ZNF521: variants seen among roughly 807,000 people sequenced by gnomAD.
ZNF521 encodes the protein zinc finger protein 521, also known as LYST-interacting protein 3.
In ZNF521, 14 loss-of-function variants were observed where a neutral mutation model predicts 105.5. The ratio of observed to expected loss-of-function variants is 0.13; its 90% CI spans 0.09 to 0.21. ZNF521 has a LOEUF of 0.21. Ranked by LOEUF, ZNF521 falls within the 10% of genes least tolerant of loss-of-function variation. The pLI is 1.00. For missense variants in ZNF521, 1,233 were observed against 1,629.7 expected (o/e 0.76, Z 4.19); for synonymous variants, 635 against 606.0 (o/e 1.05, Z -0.70).
In ZNF521 at chr18:25,179,764, C is replaced by T. The variant is rs535860109; in HGVS notation, c.3658+15396G>A. 6.6e-5 allele frequency among the ~76,000 whole-genome samples: 10 copies of T among 152,282 alleles called. 1 individual carries two copies. Among genetic ancestry groups the T allele is most frequent in the Admixed American group, 4.6e-4 (7 of 15,304 alleles). ...CCATCTCCCTAAGCTGTTGGAAACA[C>T]GCTAAACACAAGACACGGAGTGCTG... On this transcript the variant is annotated intron_variant, in intron 5 of 7. Transcript: ENST00000361524.
intron 5 of ZNF521, among the ~76,000 whole-genome samples, chr18:25,194,490 A>G (rs1303735986): frequency 6.6e-6 from 1 of 151,748 alleles, no homozygotes; most frequent in African/African-American, 2.4e-5. Flanking sequence ...AATAAGTTAA[A>G]AAAATATCCT....
At chr18:25,348,702 G>GTT (rs1914569192) in intron 2 of ZNF521, among the ~76,000 whole-genome samples, 1 of 23,134 alleles carries the variant, frequency 4.3e-5, no homozygotes, top group African/African-American at 4.6e-4. Context: ...TGAAACAGAT[G>GTT]CTGTCTTTGT....
intron 3 of ZNF521, among the ~76,000 whole-genome samples, chr18:25,304,642 G>A (rs45561237): frequency 6.6e-6 from 1 of 152,130 alleles, no homozygotes; most frequent in African/African-American, 2.4e-5. Context: ...CTGAACGCCT[G>A]CCTATCCCTT....
At chr18:25,120,593 A>C (rs77272001) in intron 5 of ZNF521, among the ~76,000 whole-genome samples, 3,109 of 108,082 alleles carry the variant, frequency 0.029, 130 homozygotes, top group African/African-American at 0.11. Context: ...AAAAAAAAAA[A>C]AAAAAAAAAC....
In ZNF521 at chr18:25,347,267, T is replaced by C. The variant is rs1312427117; in HGVS notation, c.40+3640A>G. On this transcript the variant is annotated intron_variant, in intron 2 of 7. Coordinates refer to ENST00000361524, the MANE Select transcript of ZNF521 (RefSeq NM_015461.3). Reference sequence around the variant, plus strand: ...GGGCAGAAAGAGTGACTCATTTAATTGTCTGTCCATCCATGCCTCTAATAA... The same window carrying C: ...GGGCAGAAAGAGTGACTCATTTAATCGTCTGTCCATCCATGCCTCTAATAA... Among the ~76,000 whole-genome samples, 3 of 152,294 alleles carry C rather than the reference T, an allele frequency of 2.0e-5. No individual in the cohort carries two copies. In the East Asian group the frequency reaches 5.8e-4, roughly 29 times the overall value.
At chr18:25,160,640 T>C (rs1490202239) in intron 5 of ZNF521, among the ~76,000 whole-genome samples, 1 of 152,342 alleles carries the variant, frequency 6.6e-6, no homozygotes, top group African/African-American at 2.4e-5. Flanking sequence ...ATGTGTTCTC[T>C]AGGTTTTGTG....
At chr18:25,244,935 T>TA (rs1330312736) in intron 3 of ZNF521, among the ~76,000 whole-genome samples, 3 of 152,242 alleles carry the variant, frequency 2.0e-5, no homozygotes, top group Non-Finnish European at 4.4e-5. Context: ...AATTCCCACT[T>TA]ACTGCACTGC....
chr18:25,113,738 G>T (rs1177069201), intron 5 of ZNF521, among the ~76,000 whole-genome samples: 1 of 87,148 alleles, frequency 1.1e-5, no homozygotes, highest in East Asian at 3.8e-4. Flanking sequence ...AGACAGACAG[G>T]CAGGCAGACC....
At chr18:25,191,843 GAATAAT>G (rs1224628518) in intron 5 of ZNF521, among the ~76,000 whole-genome samples, 2 of 152,040 alleles carry the variant, frequency 1.3e-5, no homozygotes, top group African/African-American at 4.8e-5. Flanking sequence ...CCATACCAAA[GAATAAT>G]AATAATAACA....
chr18:25,112,748 C>T (rs746378202), intron 5 of ZNF521, among the ~76,000 whole-genome samples: 3 of 152,142 alleles, frequency 2.0e-5, no homozygotes, highest in Non-Finnish European at 2.9e-5. Flanking sequence ...ACAGCCTGTT[C>T]GTGTCTAACT....
At chr18:25,260,302 T>C (rs1353216671) in intron 3 of ZNF521, among the ~76,000 whole-genome samples, 1 of 152,048 alleles carries the variant, frequency 6.6e-6, no homozygotes, top group Non-Finnish European at 1.5e-5. Context: ...TCTCCTAAGG[T>C]TGGCCAGAAG....
At chr18:25,212,964 A>G (rs1461012314) in intron 4 of ZNF521, among the ~76,000 whole-genome samples, 1 of 151,640 alleles carries the variant, frequency 6.6e-6, no homozygotes, top group Non-Finnish European at 1.5e-5. Context: ...GTCGTTTTAC[A>G]TGCAAATATA....
chr18:25,219,078 C>T (rs1258077354), intron 4 of ZNF521, among the ~76,000 whole-genome samples: 1 of 152,166 alleles, frequency 6.6e-6, no homozygotes, highest in Non-Finnish European at 1.5e-5. Flanking sequence ...TGACTTCCTA[C>T]TAGTATTTTC....
intron 3 of ZNF521, among the ~76,000 whole-genome samples, chr18:25,266,696 A>G (rs1055344183): frequency 1.3e-5 from 2 of 152,056 alleles, no homozygotes; most frequent in Non-Finnish European, 2.9e-5. Flanking sequence ...GGACTGTACC[A>G]CGAGGAATGG....
At chr18:25,328,844 G>A (rs1170626615) in intron 2 of ZNF521, among the ~76,000 whole-genome samples, 1 of 152,128 alleles carries the variant, frequency 6.6e-6, no homozygotes, top group Non-Finnish European at 1.5e-5. Context: ...GAGCCATCGC[G>A]CTGGCCTATT....
intron 3 of ZNF521, among the ~76,000 whole-genome samples, chr18:25,289,395 T>C (rs1013792203): frequency 6.6e-6 from 1 of 152,156 alleles, no homozygotes; most frequent in Non-Finnish European, 1.5e-5. Flanking sequence ...CAGCCCTCAG[T>C]GATTATGCGA....
intron 5 of ZNF521, among the ~76,000 whole-genome samples, chr18:25,143,143 T>C (rs2034881123): frequency 6.6e-6 from 1 of 152,158 alleles, no homozygotes; most frequent in Non-Finnish European, 1.5e-5. Flanking sequence ...CTTTTTATCA[T>C]ATTTTCTACA....
At chr18:25,167,637 A>C (rs1049000153) in intron 5 of ZNF521, among the ~76,000 whole-genome samples, 1 of 152,192 alleles carries the variant, frequency 6.6e-6, no homozygotes, top group Non-Finnish European at 1.5e-5. Context: ...AAATTATACC[A>C]ATTCATGCCA....
chr18:25,311,801 T>C (rs925352136), intron 3 of ZNF521, among the ~76,000 whole-genome samples: 5 of 152,326 alleles, frequency 3.3e-5, no homozygotes, highest in Admixed American at 2.6e-4. Flanking sequence ...TATATATTCA[T>C]TATTCATTAC....
Sources: gnomAD v4.1 joint callset for allele counts (sites outside exome capture counted in the v4.1 genomes callset) on GRCh38, gnomAD v4.1.1 for gene constraint, MANE v1.5 for transcripts, NCBI Gene and HGNC (gene_info 2026-07-23, HGNC 2026-07-21) for gene names.